SEMA3A: variants seen among roughly 807,000 people sequenced by gnomAD.
SEMA3A encodes semaphorin 3A, also known as semaphorin-3A.
Under a neutral mutation model 97.9 loss-of-function variants are expected in SEMA3A, and 29 were observed. The observed-to-expected ratio is 0.30, with a 90% CI of 0.22 to 0.40. SEMA3A has a LOEUF of 0.40. SEMA3A is among the 10% of genes least tolerant of loss of function. The pLI is 1.00. For synonymous variants in SEMA3A, 321 were observed against 323.7 expected, an observed-to-expected ratio of 0.99 and a Z score of 0.09; for missense variants, 763 against 951.3, an observed-to-expected ratio of 0.80 and a Z score of 2.60.
chr7:84,192,449 G>A (rs1205947560), intron 1 of SEMA3A, among the ~76,000 whole-genome samples: 1 of 151,854 alleles, frequency 6.6e-6, no homozygotes, highest in African/African-American at 2.4e-5. Context: ...GGATTGTTAT[G>A]TAGCTGTAAA....
At chr7:84,022,714 T>C (rs1008811565) in intron 6 of SEMA3A, among the ~76,000 whole-genome samples, 1 of 152,228 alleles carries the variant, frequency 6.6e-6, no homozygotes, top group South Asian at 2.1e-4. Context: ...AAGATCAAAG[T>C]GCACTAATCT....
intron 2 of SEMA3A, among the ~76,000 whole-genome samples, chr7:84,348,324 T>A (rs753549833): frequency 6.6e-6 from 1 of 152,134 alleles, no homozygotes; most frequent in Non-Finnish European, 1.5e-5. Flanking sequence ...GTAGCCAAAG[T>A]TAAGATTAGT....
At chr7:84,090,441 A>G (rs1794527742) in intron 4 of SEMA3A, among the ~76,000 whole-genome samples, 1 of 152,186 alleles carries the variant, frequency 6.6e-6, no homozygotes, top group Non-Finnish European at 1.5e-5. Flanking sequence ...AAAACTGTGC[A>G]AGAATAGCCT....
intron 8 of SEMA3A, 36 bp downstream of exon 8, chr7:84,011,147 A>G (rs376049740): frequency 1.4e-5 from 23 of 1,604,504 alleles, no homozygotes; most frequent in Admixed American, 1.7e-5. Context: ...CAAAGTCTGA[A>G]CAAATATTCT....
intron 1 of SEMA3A, among the ~76,000 whole-genome samples, chr7:84,397,770 A>G (rs1803777169): frequency 6.6e-6 from 1 of 152,030 alleles, no homozygotes; most frequent in African/African-American, 2.4e-5. Flanking sequence ...AGTCAGACAA[A>G]ACCTTCTAGG....
At chr7:83,965,888 C>T (rs2116267117) in intron 15 of SEMA3A, among the ~76,000 whole-genome samples, 1 of 150,000 alleles carries the variant, frequency 6.7e-6, no homozygotes, top group African/African-American at 2.5e-5. Flanking sequence ...AACGTGTTAG[C>T]CAGGATGGTC....
chr7:83,995,297 C>G (rs190722520), intron 12 of SEMA3A, among the ~76,000 whole-genome samples: 6 of 152,286 alleles, frequency 3.9e-5, no homozygotes, highest in South Asian at 4.1e-4. Context: ...ACTCTGGGAG[C>G]TGTAGACCGA....
chr7:84,461,704 T>C, intron 1 of SEMA3A, among the ~76,000 whole-genome samples: 1 of 152,166 alleles, frequency 6.6e-6, no homozygotes, highest in East Asian at 1.9e-4. Context: ...AATCTATTAC[T>C]GTTCAGCTAA....
chr7:84,045,173 A>C (rs1315396414), intron 6 of SEMA3A, among the ~76,000 whole-genome samples: 1 of 151,960 alleles, frequency 6.6e-6, no homozygotes, highest in Non-Finnish European at 1.5e-5. Flanking sequence ...GAAGGAATGA[A>C]CTAAATTTTG....
intron 3 of SEMA3A, among the ~76,000 whole-genome samples, chr7:84,122,607 A>G (rs1329015875): frequency 6.6e-6 from 1 of 152,188 alleles, no homozygotes; most frequent in Non-Finnish European, 1.5e-5. Flanking sequence ...CACTTAATAC[A>G]GTTTTATTAT....
chr7:84,049,458 T>C (rs1269458883), intron 5 of SEMA3A, among the ~76,000 whole-genome samples: 1 of 152,130 alleles, frequency 6.6e-6, no homozygotes, highest in Non-Finnish European at 1.5e-5. Flanking sequence ...TATTCTACCT[T>C]CTCTTATTTC....
intron 2 of SEMA3A, among the ~76,000 whole-genome samples, chr7:84,351,458 T>C (rs1465556064): frequency 6.6e-6 from 1 of 152,060 alleles, no homozygotes; most frequent in South Asian, 2.1e-4. Flanking sequence ...TTTGAAAATT[T>C]GACCATCCTT....
intron 1 of SEMA3A, among the ~76,000 whole-genome samples, chr7:84,478,079 A>G (rs1358763556): frequency 6.6e-6 from 1 of 152,178 alleles, no homozygotes; most frequent in Non-Finnish European, 1.5e-5. Context: ...GAGATTTCAC[A>G]TTCGTTAAAA....
Position 83,985,487 on chromosome 7 carries a change from A to G in SEMA3A, c.1453-10T>C, listed in dbSNP as rs1789591904. 6.4e-7 allele frequency: 1 copy of G among 1,573,628 alleles called. No individual in the cohort carries two copies. Among genetic ancestry groups the G allele is most frequent in the East Asian group, 2.2e-5 (1 of 44,716 alleles). On this transcript the variant is annotated splice_polypyrimidine_tract_variant and intron_variant, in intron 12 of 16. Transcript: ENST00000265362. ...AAATAGCAGTCGGTTCCTAAAGGAG[A>G]AAAAGAAATATGTGAGGTGTTTGGT... is the stretch of plus-strand genomic sequence containing the variant.
At chr7:83,967,824 T>C (rs1788764795) in intron 15 of SEMA3A, among the ~76,000 whole-genome samples, 2 of 152,182 alleles carry the variant, frequency 1.3e-5, no homozygotes, top group Non-Finnish European at 2.9e-5. Flanking sequence ...ATAATATATG[T>C]ACATATTTAT....
At chr7:84,261,822 A>C (rs1396756835) in intron 3 of SEMA3A, among the ~76,000 whole-genome samples, 1 of 152,236 alleles carries the variant, frequency 6.6e-6, no homozygotes. Context: ...AGTGGGCCCG[A>C]GCAAAACCCA....
chr7:84,035,523 T>C (rs1791910364), intron 6 of SEMA3A, among the ~76,000 whole-genome samples: 1 of 152,068 alleles, frequency 6.6e-6, no homozygotes, highest in Non-Finnish European at 1.5e-5. Context: ...TATTTATTCA[T>C]TCCTTTAAAT....
At chr7:84,424,485 T>TAATATATAAATATTAA (rs1387285689) in intron 1 of SEMA3A, among the ~76,000 whole-genome samples, 2 of 84,010 alleles carry the variant, frequency 2.4e-5, no homozygotes, top group Non-Finnish European at 4.6e-5. Flanking sequence ...ATATAATATA[T>TAATATATAAATATTAA]TGATATATAA....
intron 1 of SEMA3A, among the ~76,000 whole-genome samples, chr7:84,446,039 A>G (rs1805406378): frequency 6.6e-6 from 1 of 152,182 alleles, no homozygotes; most frequent in African/African-American, 2.4e-5. Flanking sequence ...CTAATTCTAT[A>G]GAAATAAAAT....
Sources: allele counts gnomAD v4.1 joint callset (sites outside exome capture counted in the v4.1 genomes callset), GRCh38; gene constraint gnomAD v4.1.1; transcripts MANE v1.5; gene names NCBI Gene and HGNC (gene_info 2026-07-23, HGNC 2026-07-21).